CEP41: variants seen among roughly 807,000 people sequenced by gnomAD.
CEP41 encodes centrosomal protein 41, also known as centrosomal protein of 41 kDa.
Under a neutral mutation model 44.3 loss-of-function variants are expected in CEP41, and 32 were observed. The observed-to-expected ratio is 0.72, with a 90% confidence interval of 0.54 to 0.97. The LOEUF is 0.97. Among genes scored for constraint, CEP41 ranks in the 50% least tolerant of loss-of-function variants. The pLI, the probability that CEP41 is intolerant of heterozygous loss-of-function variation, is 0.00. For missense variants in CEP41, 432 were observed against 455.2 expected, an observed-to-expected ratio of 0.95 and a Z score of 0.46; for synonymous variants, 151 against 168.5, an observed-to-expected ratio of 0.90 and a Z score of 0.80.
chr7:130,440,818 C>T lies in CEP41; in HGVS notation c.33+116G>A. 3 of 1,121,746 alleles carry T rather than the reference C, an allele frequency of 2.7e-6. No homozygotes were observed. In the South Asian group the frequency reaches 3.7e-5, roughly 14 times the overall value. 69.5% of individuals were successfully genotyped at this position (1,121,746 alleles called of 1,614,324 possible). Reference sequence around the variant, plus strand: ...CCCTGCATCCCGACCCCTCCTCACGCCGGCCCCTTCCCGCCTTCCGGGCGG... The same window carrying T: ...CCCTGCATCCCGACCCCTCCTCACGTCGGCCCCTTCCCGCCTTCCGGGCGG... On this transcript the variant is annotated intron_variant, in intron 1 of 10. Coordinates refer to ENST00000223208, the MANE Select transcript of CEP41 (RefSeq NM_018718.3).
intron 5 of CEP41, among the ~76,000 whole-genome samples, chr7:130,405,763 T>C (rs1796989228): frequency 6.6e-6 from 1 of 152,258 alleles, no homozygotes; most frequent in South Asian, 2.1e-4. Flanking sequence ...GAAAGATTCA[T>C]TGATATGATT....
At chr7:130,434,030 A>C (rs1797896421) in intron 1 of CEP41, among the ~76,000 whole-genome samples, 1 of 152,246 alleles carries the variant, frequency 6.6e-6, no homozygotes. Flanking sequence ...CTATGTTTTA[A>C]GGGTTGATCT....
Position 130,416,920 on chromosome 7 carries a change from T to G in CEP41, c.144A>C (p.Lys48Asn). ...KYTEKLEEIK[K>N]NYRYKKDELF... ...CAAACCATCAAGAGTGTTACTTACT[T>G]TTCTTAATCTCTTCGAGCTTCTCAG... is the stretch of plus-strand genomic sequence containing the variant. Residue 48 changes from lysine (K) to asparagine (N), a missense_variant and splice_region_variant, in exon 3 of 11, where the codon AAA (lysine) becomes AAC (asparagine). Coordinates refer to ENST00000223208, the MANE Select transcript of CEP41 (RefSeq NM_018718.3). 6.3e-7 allele frequency: 1 copy of G among 1,586,680 alleles called. No individual in the cohort carries two copies. Among genetic ancestry groups the G allele is most frequent in the Non-Finnish European group, 8.7e-7 (1 of 1,155,002 alleles).
chr7:130,403,123 G>A (rs1796905536), intron 6 of CEP41, among the ~76,000 whole-genome samples: 1 of 152,220 alleles, frequency 6.6e-6, no homozygotes, highest in Non-Finnish European at 1.5e-5. Flanking sequence ...GCATCAGAGG[G>A]AGAAAGAGGG....
intron 1 of CEP41, among the ~76,000 whole-genome samples, chr7:130,439,053 C>T (rs1015429768): frequency 3.3e-5 from 5 of 152,108 alleles, no homozygotes; most frequent in African/African-American, 1.2e-4. Context: ...TGTGCAGATC[C>T]ACTTATACCC....
At chr7:130,403,836 C>A (rs189665275) in intron 6 of CEP41, among the ~76,000 whole-genome samples, 2 of 152,200 alleles carry the variant, frequency 1.3e-5, no homozygotes, top group East Asian at 3.9e-4. Flanking sequence ...AGAGTCCTCT[C>A]GCAAAAGTAA....
chr7:130,408,697 G>A (rs1310229429), intron 5 of CEP41, among the ~76,000 whole-genome samples: 1 of 151,990 alleles, frequency 6.6e-6, no homozygotes, highest in Non-Finnish European at 1.5e-5. Context: ...TGTCTAAAAT[G>A]GTTCCACCCT....
chr7:130,395,832 A>G lies in CEP41; in HGVS notation c.*3059T>C. On this transcript the variant is annotated 3_prime_UTR_variant, in exon 11 of 11. Transcript: ENST00000223208. Reference sequence around the variant, plus strand: ...ATTTGGTCTCTTTTCATTCGGATTTATACCAAGCCCAATATGATCGTGCTG... The same window carrying G: ...ATTTGGTCTCTTTTCATTCGGATTTGTACCAAGCCCAATATGATCGTGCTG... 2.2e-6 allele frequency: 1 copy of G among 453,760 alleles called. No individual in the cohort carries two copies. The highest frequency in any genetic ancestry group is 4.4e-6 in the Non-Finnish European group (1 of 226,736). The allele number at this position is 453,760 out of a possible 1,614,324, so 28.1% of individuals were successfully genotyped here. A position where few individuals can be genotyped will look rare whatever the true frequency, so the allele number is the denominator to read the frequency against.
In CEP41 at chr7:130,420,027, C is replaced by T. The variant is rs1271235238; in HGVS notation, c.98-3061G>A. The T allele has an allele frequency of 2.2e-5, 22 of 985,214 alleles. No individual in the cohort carries two copies. In the African/African-American group the frequency reaches 3.1e-4, roughly 14 times the overall value. The allele number at this position is 985,214 out of a possible 1,614,324, so 61.0% of individuals were successfully genotyped here. ...CTAGCATAGGAGACACTCAAAAATA[C>T]TTGCTGAATGATGGTCAGGTGCACT... On this transcript the variant is annotated intron_variant, in intron 2 of 10. Transcript: ENST00000223208.
At chr7:130,430,222 A>G (rs918134667) in intron 1 of CEP41, among the ~76,000 whole-genome samples, 2 of 152,186 alleles carry the variant, frequency 1.3e-5, no homozygotes, top group African/African-American at 2.4e-5. Context: ...CCAAGGACAT[A>G]AAAAACAAAA....
At chr7:130,441,492 T>A (rs1290277931), upstream of CEP41, among the ~76,000 whole-genome samples, 1 of 152,226 alleles carries the variant, frequency 6.6e-6, no homozygotes, top group Non-Finnish European at 1.5e-5. Flanking sequence ...TGGTTTATTA[T>A]TTTCTGGTTA....
intron 1 of CEP41, among the ~76,000 whole-genome samples, chr7:130,431,675 T>G (rs988040353): frequency 6.6e-6 from 1 of 152,132 alleles, no homozygotes; most frequent in African/African-American, 2.4e-5. Context: ...CTACGGGGTT[T>G]CTGGCAAGGG....
chr7:130,397,479 GC>G lies in CEP41; in HGVS notation c.*1411del, dbSNP rs1554415213. ...TACGTTTATTTCTCATACAAACACA[GC>G]CCCCATGCTAGAAATACTGTGGTGC... On this transcript the variant is annotated 3_prime_UTR_variant, in exon 11 of 11. Coordinates refer to ENST00000223208, the MANE Select transcript of CEP41 (RefSeq NM_018718.3). 4.7e-6 allele frequency: 2 copies of G among 424,882 alleles called. No homozygotes were observed. The highest frequency in any genetic ancestry group is 2.8e-5 in the Admixed American group (1 of 36,342). 26.3% of individuals were successfully genotyped at this position (424,882 alleles called of 1,614,324 possible). A position where few individuals can be genotyped will look rare whatever the true frequency, so the allele number is the denominator to read the frequency against.
intron 1 of CEP41, among the ~76,000 whole-genome samples, chr7:130,438,995 T>C (rs1322311915): frequency 6.6e-6 from 1 of 152,206 alleles, no homozygotes; most frequent in Non-Finnish European, 1.5e-5. Flanking sequence ...ATTTACTCTA[T>C]TTTGAAATCT....
chr7:130,408,873 G>A (rs1266239710), intron 5 of CEP41, among the ~76,000 whole-genome samples: 1 of 152,144 alleles, frequency 6.6e-6, no homozygotes, highest in Non-Finnish European at 1.5e-5. Context: ...GATATTAGAT[G>A]ACAACACAAT....
intron 1 of CEP41, among the ~76,000 whole-genome samples, chr7:130,432,552 G>A (rs1024366844): frequency 1.7e-5 from 2 of 120,690 alleles, no homozygotes; most frequent in Admixed American, 1.1e-4. Context: ...AGCAGTTCAA[G>A]ACCAGCCTGG....
At chr7:130,414,614 G>A (rs1554420492) in intron 3 of CEP41, among the ~76,000 whole-genome samples, 3 of 152,114 alleles carry the variant, frequency 2.0e-5, no homozygotes, top group Non-Finnish European at 4.4e-5. Context: ...CTAAAGATTG[G>A]GATTTCTACT....
intron 2 of CEP41, chr7:130,421,656 G>A: frequency 9.4e-7 from 1 of 1,065,020 alleles, no homozygotes; most frequent in Non-Finnish European, 1.1e-6. Context: ...AAAGGAAGGT[G>A]AATTTTTAAA....
intron 6 of CEP41, among the ~76,000 whole-genome samples, chr7:130,403,046 G>A (rs1181441877): frequency 6.6e-6 from 1 of 152,208 alleles, no homozygotes; most frequent in African/African-American, 2.4e-5. Flanking sequence ...GACAATGCGT[G>A]TCAGTGCATT....
Sources: gnomAD v4.1 joint callset for allele counts (sites outside exome capture counted in the v4.1 genomes callset) on GRCh38, gnomAD v4.1.1 for gene constraint, MANE v1.5 for transcripts, NCBI Gene and HGNC (gene_info 2026-07-23, HGNC 2026-07-21) for gene names.